RPS6KB1: variants seen among roughly 807,000 people sequenced by gnomAD.
The protein encoded by RPS6KB1 is ribosomal protein S6 kinase B1.
A neutral mutation model predicts 70.2 loss-of-function variants in RPS6KB1; 12 were observed. The ratio of observed to expected loss-of-function variants is 0.17; its 90% CI spans 0.11 to 0.28. The LOEUF (loss-of-function observed/expected upper bound fraction) is 0.28, where lower values mean the gene tolerates loss of function less well. RPS6KB1 is among the 10% of genes least tolerant of loss of function. The pLI is 1.00. For synonymous variants in RPS6KB1, 175 were observed against 211.2 expected, an observed-to-expected ratio of 0.83 and a Z score of 1.49; for missense variants, 270 against 646.6, an observed-to-expected ratio of 0.42 and a Z score of 6.32.
chr17:59,922,255 G>A (rs1366181601), intron 4 of RPS6KB1, among the ~76,000 whole-genome samples: 2 of 151,952 alleles, frequency 1.3e-5, no homozygotes, highest in Admixed American at 1.3e-4. Flanking sequence ...TGGCCAGGCT[G>A]GTCTCAAACT....
At position 59,946,572 on chromosome 17, in the gene RPS6KB1, G is replaced by A. The variant is rs761560660; in HGVS notation, c.1362G>A (p.Gly454=). 4.3e-6 allele frequency: 7 copies of A among 1,613,994 alleles called. No individual in the cohort carries two copies. Among genetic ancestry groups the A allele is most frequent in the South Asian group, 2.2e-5 (2 of 91,082 alleles). ...TPVSPVKFSP[G]DFWGRGASAS... The stretch of plus-strand genomic sequence containing the variant: ...AAAGCCCAGTCAAATTTTCTCCTGG[G>A]GATTTCTGGGGAAGAGGTGCTTCGG... Residue 454 remains glycine (G), a synonymous_variant, in exon 15 of 15, where the codon GGG becomes GGA. Coordinates refer to ENST00000225577, the MANE Select transcript of RPS6KB1 (RefSeq NM_003161.4). This position sits in a 1 kb window ranked among gnomAD's most constrained non-coding sequence, Gnocchi z 4.2.
chr17:59,908,918 A>C (rs1598686839), intron 1 of RPS6KB1, among the ~76,000 whole-genome samples: 1 of 131,988 alleles, frequency 7.6e-6, no homozygotes, highest in Non-Finnish European at 1.6e-5. Context: ...GCGCCCGGCC[A>C]AATTTTTTTT....
intron 7 of RPS6KB1, among the ~76,000 whole-genome samples, chr17:59,932,647 G>A (rs1012168240): frequency 9.9e-5 from 15 of 151,186 alleles, no homozygotes; most frequent in African/African-American, 2.9e-4. Context: ...CGCCTCCCAG[G>A]CTCAAGTGAT....
intron 3 of RPS6KB1, 133 bp downstream of exon 3, chr17:59,912,937 T>C: frequency 2.1e-6 from 2 of 939,774 alleles, no homozygotes; most frequent in Non-Finnish European, 3.2e-6. Context: ...TTAGCTGGTA[T>C]GTTTGAGGGA....
At chr17:59,913,349 A>G (rs2042757194) in intron 3 of RPS6KB1, among the ~76,000 whole-genome samples, 1 of 152,236 alleles carries the variant, frequency 6.6e-6, no homozygotes, top group Non-Finnish European at 1.5e-5. Flanking sequence ...TTCTCTTATC[A>G]AAATAATTTA....
chr17:59,900,230 ACC>A (rs71145588), intron 1 of RPS6KB1, among the ~76,000 whole-genome samples: 13 of 136,736 alleles, frequency 9.5e-5, no homozygotes, highest in South Asian at 2.4e-4. Context: ...ACACACACAC[ACC>A]CCTATGTGTT....
chr17:59,927,312 G>A (rs1414631475), intron 5 of RPS6KB1, among the ~76,000 whole-genome samples: 4 of 151,802 alleles, frequency 2.6e-5, no homozygotes, highest in Admixed American at 1.3e-4. Flanking sequence ...TCGAACTCCC[G>A]ACTTCAGGTG....
intron 1 of RPS6KB1, among the ~76,000 whole-genome samples, chr17:59,901,288 T>C (rs1239666006): frequency 6.6e-6 from 1 of 151,358 alleles, no homozygotes; most frequent in African/African-American, 2.4e-5. Context: ...TAGCTGGGAC[T>C]ACAGGTGCCC....
chr17:59,895,881 C>G (rs1053576879), intron 1 of RPS6KB1, among the ~76,000 whole-genome samples: 1 of 152,174 alleles, frequency 6.6e-6, no homozygotes, highest in Non-Finnish European at 1.5e-5. Flanking sequence ...AATCTGCCAG[C>G]CTTGGCCTCT....
intron 1 of RPS6KB1, among the ~76,000 whole-genome samples, chr17:59,899,602 A>G (rs1349137892): frequency 6.6e-6 from 1 of 152,198 alleles, no homozygotes; most frequent in Non-Finnish European, 1.5e-5. Context: ...AAGTGAAGCC[A>G]TCCTAGGCGA....
intron 12 of RPS6KB1, among the ~76,000 whole-genome samples, chr17:59,937,784 T>C (rs1298986129): frequency 6.6e-6 from 1 of 152,226 alleles, no homozygotes; most frequent in African/African-American, 2.4e-5. Flanking sequence ...GGTTAGAATT[T>C]CAATGTACGA....
intron 4 of RPS6KB1, among the ~76,000 whole-genome samples, chr17:59,924,487 T>G (rs1258058822): frequency 6.6e-6 from 1 of 152,180 alleles, no homozygotes; most frequent in Non-Finnish European, 1.5e-5. Context: ...TGGAACTCAT[T>G]AAACATTAAT....
rs759698631 is a variant in RPS6KB1, at chr17:59,938,138, GT to G, written c.1119+1612del. Reference sequence around the variant, plus strand: ...TCAGAAGTTGACAGTTTCCTTAGTTGTTTTTTTTTTTTTTTCCTTTTTCTTT... The same window carrying G: ...TCAGAAGTTGACAGTTTCCTTAGTTGTTTTTTTTTTTTTTCCTTTTTCTTT... On this transcript the variant is annotated intron_variant, in intron 12 of 14. Transcript: ENST00000225577. Among the ~76,000 whole-genome samples, 619 of 66,822 alleles carry G rather than the reference GT, an allele frequency of 9.3e-3. 3 individuals are homozygous for G. The highest frequency in any genetic ancestry group is 0.038 in the Admixed American group (261 of 6,854). 43.8% of individuals were successfully genotyped at this position (66,822 alleles called of 152,430 possible). A position where few individuals can be genotyped will look rare whatever the true frequency, so the allele number is the denominator to read the frequency against.
chr17:59,895,928 C>T (rs1319108093), intron 1 of RPS6KB1, among the ~76,000 whole-genome samples: 2 of 152,178 alleles, frequency 1.3e-5, no homozygotes, highest in African/African-American at 2.4e-5. Flanking sequence ...CCACTGCATC[C>T]GGTTGGTGTG....
chr17:59,950,556 T>A lies in RPS6KB1; in HGVS notation c.*3768T>A, dbSNP rs757215510. The A allele has an allele frequency of 3.9e-5, 6 of 152,300 alleles. No individual in the cohort carries two copies. The highest frequency in any genetic ancestry group is 2.1e-4 in the South Asian group (1 of 4,826). The allele number at this position is 152,300 out of a possible 1,614,324, so 9.4% of individuals were successfully genotyped here. Reference sequence around the variant, plus strand: ...AGTTGTCATATAAATAAACTATGTATGTAAGGAATGGGTTAAAAGCTGTTC... The same window carrying A: ...AGTTGTCATATAAATAAACTATGTAAGTAAGGAATGGGTTAAAAGCTGTTC... On this transcript the variant is annotated 3_prime_UTR_variant, in exon 15 of 15. Coordinates refer to ENST00000225577, the MANE Select transcript of RPS6KB1 (RefSeq NM_003161.4).
chr17:59,915,358 A>G lies in RPS6KB1; in HGVS notation c.381+655A>G, dbSNP rs189057012. Among the ~76,000 whole-genome samples, 67 of 152,122 alleles carry G rather than the reference A, an allele frequency of 4.4e-4. 1 individual carries two copies. In the East Asian group the frequency reaches 0.01, roughly 23 times the overall value. On this transcript the variant is annotated intron_variant, in intron 4 of 14. Coordinates refer to ENST00000225577, the MANE Select transcript of RPS6KB1 (RefSeq NM_003161.4). ...GGTATGTTTCATTACTGTTATTCCT[A>G]TTTTTATTTCTGCTTGGTGAGTGTG...
At chr17:59,928,084 G>A (rs1039152172) in intron 5 of RPS6KB1, among the ~76,000 whole-genome samples, 1 of 151,782 alleles carries the variant, frequency 6.6e-6, no homozygotes, top group Non-Finnish European at 1.5e-5. Flanking sequence ...CTTGAACCTG[G>A]GAGACGGAGG....
At chr17:59,904,821 C>T (rs1175897972) in intron 1 of RPS6KB1, among the ~76,000 whole-genome samples, 4 of 151,600 alleles carry the variant, frequency 2.6e-5, no homozygotes, top group Admixed American at 1.3e-4. Flanking sequence ...CTCAGCCTCC[C>T]GAGTAGCTGG....
intron 2 of RPS6KB1, chr17:59,912,471 T>A (rs1185374773): frequency 2.2e-6 from 1 of 456,384 alleles, no homozygotes; most frequent in Non-Finnish European, 4.0e-6. Context: ...AATAATTGAT[T>A]GCCCATTCTA....
Sources: gnomAD v4.1 joint callset for allele counts (sites outside exome capture counted in the v4.1 genomes callset) on GRCh38, gnomAD v4.1.1 for gene constraint, Gnocchi (gnomAD v3.1) non-coding constraint, MANE v1.5 for transcripts, NCBI Gene and HGNC (gene_info 2026-07-23, HGNC 2026-07-21) for gene names.